The following WDR64 variants were observed in gnomAD, a reference collection of about 807,000 sequenced individuals.
The protein encoded by WDR64 is WD repeat-containing protein 64.
In WDR64, 112 loss-of-function variants were observed where a neutral mutation model predicts 139.3. The ratio of observed to expected loss-of-function variants is 0.80; its 90% CI spans 0.69 to 0.94. WDR64 has a LOEUF of 0.94. Among genes scored for constraint, WDR64 ranks in the 40% least tolerant of loss-of-function variants. The pLI is 0.00. For synonymous variants in WDR64, 444 were observed against 437.7 expected (o/e 1.01, Z -0.18); for missense variants, 1,206 against 1,293.1 (o/e 0.93, Z 1.03).
At chr1:241,690,173 A>C (rs1314656913) in intron 8 of WDR64, among the ~76,000 whole-genome samples, 2 of 152,110 alleles carry the variant, frequency 1.3e-5, no homozygotes. Flanking sequence ...CAGAAAAGTA[A>C]ACATAAAGAA....
intron 14 of WDR64, among the ~76,000 whole-genome samples, chr1:241,755,282 T>A (rs1239711683): frequency 6.6e-6 from 1 of 152,234 alleles, no homozygotes; most frequent in African/African-American, 2.4e-5. Context: ...TGAGATGGTG[T>A]CTCTTTTTGG....
At chr1:241,712,016 C>T in intron 9 of WDR64, 135 bp downstream of exon 9, 1 of 851,988 alleles carries the variant, frequency 1.2e-6, no homozygotes, top group Non-Finnish European at 1.8e-6. Context: ...CTTTTTCTTT[C>T]TGGCGTCTGG....
At chr1:241,691,307 T>A (rs377243573) in intron 8 of WDR64, among the ~76,000 whole-genome samples, 1 of 152,168 alleles carries the variant, frequency 6.6e-6, no homozygotes, top group Non-Finnish European at 1.5e-5. Context: ...TAGATATTAA[T>A]CCAACTATGT....
chr1:241,695,651 A>G (rs1351128190), intron 8 of WDR64, among the ~76,000 whole-genome samples: 2 of 152,212 alleles, frequency 1.3e-5, no homozygotes, highest in Non-Finnish European at 2.9e-5. Context: ...TATAAAAATA[A>G]ACTTGGCAGT....
At position 241,779,985 on chromosome 1, in the gene WDR64, A is replaced by G. The variant is rs1658789158; in HGVS notation, c.2537-19A>G. On this transcript the variant is annotated intron_variant, in intron 21 of 27. Coordinates refer to ENST00000437684, the MANE Select transcript of WDR64 (RefSeq NM_001367482.1). Reference sequence around the variant, plus strand: ...ACATGATATCTAATTAAAGATTCCAATGTTTAAATTTTATACAGAAGGACA... The same window carrying G: ...ACATGATATCTAATTAAAGATTCCAGTGTTTAAATTTTATACAGAAGGACA... 1 of 1,572,952 alleles carries G rather than the reference A, an allele frequency of 6.4e-7. No homozygotes were observed. Among genetic ancestry groups the G allele is most frequent in the Non-Finnish European group, 8.6e-7 (1 of 1,161,124 alleles).
chr1:241,751,934 G>C lies in WDR64; in HGVS notation c.1770+2212G>C, dbSNP rs1214842184. Among the ~76,000 whole-genome samples the C allele has an allele frequency of 2.0e-5, 3 of 152,228 alleles. No homozygotes were observed. In the South Asian group the frequency reaches 6.2e-4, roughly 32 times the overall value. On this transcript the variant is annotated intron_variant, in intron 14 of 27. Coordinates refer to ENST00000437684, the MANE Select transcript of WDR64 (RefSeq NM_001367482.1). ...AAATTTGAGAAAAATTTGCCCCCAA[G>C]CCATTGTTGACAAAACCATAGGTTG...
Position 241,766,268 on chromosome 1 carries a change from A to G in WDR64, c.1998A>G (p.Val666=). ...TGAACTGCATTGATTTACTACAAGT[A>G]GAAGGATATAATTTGATAGCAGCTG... The part of the protein sequence containing the change: ...LRVNCIDLLQ[V]EGYNLIAAGT... Residue 666 remains valine, a synonymous_variant, in exon 16 of 28, where the codon GTA becomes GTG. Coordinates refer to ENST00000437684, the MANE Select transcript of WDR64 (RefSeq NM_001367482.1). The G allele has an allele frequency of 1.2e-6, 2 of 1,614,168 alleles. No homozygotes were observed.
chr1:241,748,174 G>A (rs895904768), intron 13 of WDR64, among the ~76,000 whole-genome samples: 1 of 152,212 alleles, frequency 6.6e-6, no homozygotes, highest in African/African-American at 2.4e-5. Context: ...TGCTGATACT[G>A]TAGATGAAGA....
chr1:241,772,825 A>C lies in WDR64; in HGVS notation c.2324A>C (p.Gln775Pro). 6.4e-7 allele frequency: 1 copy of C among 1,552,124 alleles called. No homozygotes were observed. Among genetic ancestry groups the C allele is most frequent in the Non-Finnish European group, 8.7e-7 (1 of 1,147,084 alleles). ...ACAGATGTAATGGTGGGAAAGCAAC[A>C]GCCAATGGACAAAAAACACCCTGGA... ...EQTDVMVGKQ[Q>P]PMDKKHPGIA... The change falls in exon 20 of 28, where the codon CAG becomes CCG. Residue 775 changes from glutamine (Q) to proline (P), a missense_variant. Physicochemically the swap from Gln to Pro is moderately conservative, Grantham distance 76. Coordinates refer to ENST00000437684, the MANE Select transcript of WDR64 (RefSeq NM_001367482.1).
At chr1:241,653,191 G>C (rs914831703) in intron 1 of WDR64, among the ~76,000 whole-genome samples, 1 of 152,226 alleles carries the variant, frequency 6.6e-6, no homozygotes, top group Admixed American at 6.5e-5. Context: ...GATTCAAGGG[G>C]AGTGGTGTAG....
At chr1:241,758,156 C>T (rs1234834622) in intron 15 of WDR64, among the ~76,000 whole-genome samples, 2 of 152,148 alleles carry the variant, frequency 1.3e-5, no homozygotes, top group Non-Finnish European at 2.9e-5. Flanking sequence ...ATTGCACCCT[C>T]ATGGTGTTAT....
intron 7 of WDR64, among the ~76,000 whole-genome samples, chr1:241,684,481 A>G (rs74150358): frequency 0.022 from 3,407 of 152,308 alleles, 118 homozygotes; most frequent in African/African-American, 0.076. Context: ...CGAAAAACCT[A>G]AATTTTATAT....
chr1:241,783,311 G>A lies in WDR64; in HGVS notation c.2635G>A (p.Glu879Lys), dbSNP rs1435108437. 9.3e-6 allele frequency: 15 copies of A among 1,613,902 alleles called. No individual in the cohort carries two copies. Among genetic ancestry groups the A allele is most frequent in the Non-Finnish European group, 1.2e-5 (14 of 1,179,946 alleles). Reference protein sequence around the residue: ...QLLSWRAHSLEIIQVIYVEEK... With the variant: ...QLLSWRAHSLKIIQVIYVEEK... Reference sequence around the variant, plus strand: ...GCTTTCCTGGCGTGCTCATTCTTTGGAAATTATTCAAGTAATCTATGTAGA... The same window carrying A: ...GCTTTCCTGGCGTGCTCATTCTTTGAAAATTATTCAAGTAATCTATGTAGA... Residue 879 changes from glutamate to lysine, a missense_variant, in exon 23 of 28, where the codon GAA becomes AAA. Glu to Lys is a moderately conservative substitution (Grantham distance 56). Coordinates refer to ENST00000437684, the MANE Select transcript of WDR64 (RefSeq NM_001367482.1).
At chr1:241,784,909 A>T (rs912619655) in intron 23 of WDR64, among the ~76,000 whole-genome samples, 2 of 136,522 alleles carry the variant, frequency 1.5e-5, no homozygotes, top group Non-Finnish European at 3.1e-5. Flanking sequence ...AGCCGAGATC[A>T]CGCCACTGCA....
intron 23 of WDR64, among the ~76,000 whole-genome samples, chr1:241,786,117 T>G (rs1659028226): frequency 6.6e-6 from 1 of 152,248 alleles, no homozygotes; most frequent in South Asian, 2.1e-4. Context: ...ATGACATTTT[T>G]ATAATGCTGG....
At chr1:241,678,158 G>C in intron 4 of WDR64, 29 bp from the exon 5 acceptor site, 2 of 398,830 alleles carry the variant, frequency 5.0e-6, no homozygotes, top group Non-Finnish European at 8.9e-6. Flanking sequence ...TGCCAACTAG[G>C]TTTCATTATT....
intron 11 of WDR64, among the ~76,000 whole-genome samples, chr1:241,739,012 A>G (rs140407408): frequency 1.3e-5 from 2 of 152,306 alleles, no homozygotes; most frequent in Admixed American, 1.3e-4. Context: ...CCTTTTCTGC[A>G]GTGAGGAAAT....
chr1:241,701,428 T>C (rs1282887310), intron 8 of WDR64, among the ~76,000 whole-genome samples: 1 of 152,226 alleles, frequency 6.6e-6, no homozygotes, highest in Non-Finnish European at 1.5e-5. Flanking sequence ...CTACTCTCCA[T>C]CGTGTTCCAC....
chr1:241,686,191 C>G (rs1044124538), intron 7 of WDR64, among the ~76,000 whole-genome samples: 6 of 152,138 alleles, frequency 3.9e-5, no homozygotes, highest in Non-Finnish European at 8.8e-5. Context: ...TCAAACCTCA[C>G]CAGAATGACA....
Sources: gnomAD v4.1 joint callset for allele counts (sites outside exome capture counted in the v4.1 genomes callset) on GRCh38, gnomAD v4.1.1 for gene constraint, MANE v1.5 for transcripts, NCBI Gene and HGNC (gene_info 2026-07-23, HGNC 2026-07-21) for gene names.